Variants in TRDN observed in about 807,000 individuals in gnomAD.
TRDN encodes triadin in skeletal muscle.
In TRDN, 161 loss-of-function variants were observed where a neutral mutation model predicts 149.7. That is an observed-to-expected ratio of 1.08 (90% CI 0.95 to 1.23). The LOEUF (loss-of-function observed/expected upper bound fraction) is 1.23. Among genes scored for constraint, TRDN ranks in the 50% most tolerant of loss-of-function variants. The probability of loss-of-function intolerance (pLI) is 0.00; values close to 1 mark genes in which losing one functional copy is unlikely to be tolerated. For missense variants in TRDN, 896 were observed against 823.5 expected (o/e 1.09, Z -1.08); for synonymous variants, 294 against 250.5 (o/e 1.17, Z -1.64).
At chr6:123,530,770 T>C (rs1780206733) in intron 4 of TRDN, among the ~76,000 whole-genome samples, 1 of 151,930 alleles carries the variant, frequency 6.6e-6, no homozygotes, top group Non-Finnish European at 1.5e-5. Context: ...ATTGGAGTTA[T>C]CTCAAAATTA....
At chr6:123,439,288 C>G (rs1330566275) in intron 10 of TRDN, among the ~76,000 whole-genome samples, 1 of 152,066 alleles carries the variant, frequency 6.6e-6, no homozygotes, top group Non-Finnish European at 1.5e-5. Flanking sequence ...ATAGTTTGAA[C>G]TTTCTGAACC....
chr6:123,224,833 T>C (rs1266566304), intron 38 of TRDN, among the ~76,000 whole-genome samples: 1 of 151,716 alleles, frequency 6.6e-6, no homozygotes, highest in Non-Finnish European at 1.5e-5. Context: ...TTCTTAACAT[T>C]GGTATTGGCA....
intron 12 of TRDN, among the ~76,000 whole-genome samples, chr6:123,414,232 A>G (rs1229940822): frequency 6.6e-6 from 1 of 152,114 alleles, no homozygotes; most frequent in Non-Finnish European, 1.5e-5. Context: ...GGTTAACCTT[A>G]AGGTTACTAA....
At chr6:123,579,421 C>A (rs534249475) in intron 1 of TRDN, among the ~76,000 whole-genome samples, 2 of 152,174 alleles carry the variant, frequency 1.3e-5, no homozygotes, top group East Asian at 3.9e-4. Flanking sequence ...ATCTTTGGTT[C>A]CATTTATTTG....
chr6:123,505,159 A>G (rs760964973), intron 7 of TRDN, among the ~76,000 whole-genome samples: 20 of 147,630 alleles, frequency 1.4e-4, no homozygotes, highest in Admixed American at 7.0e-5. Context: ...CAGGAGAATC[A>G]TTTGAACCAG....
chr6:123,561,567 T>G (rs998418368), intron 2 of TRDN, among the ~76,000 whole-genome samples: 2 of 152,186 alleles, frequency 1.3e-5, no homozygotes, highest in Non-Finnish European at 2.9e-5. Context: ...CAAGTAATTA[T>G]GCTCAACCCC....
intron 38 of TRDN, among the ~76,000 whole-genome samples, chr6:123,251,155 C>T (rs1776356763): frequency 6.6e-6 from 1 of 152,062 alleles, no homozygotes; most frequent in Admixed American, 6.6e-5. Context: ...AATTTTGTGT[C>T]CTTACAATAT....
At chr6:123,253,153 G>C (rs1776434336) in intron 37 of TRDN, among the ~76,000 whole-genome samples, 1 of 151,856 alleles carries the variant, frequency 6.6e-6, no homozygotes, top group Admixed American at 6.6e-5. Context: ...TCTAATGAGA[G>C]GTTATTATTC....
At chr6:123,457,624 C>CA (rs1215622336) in intron 10 of TRDN, 5 of 434,800 alleles carry the variant, frequency 1.1e-5, no homozygotes, top group Admixed American at 2.6e-5. Flanking sequence ...AAAATTTACT[C>CA]AACAGTTATT....
At chr6:123,227,889 G>T (rs970402308) in intron 38 of TRDN, among the ~76,000 whole-genome samples, 2 of 151,896 alleles carry the variant, frequency 1.3e-5, no homozygotes, top group Admixed American at 6.6e-5. Flanking sequence ...GAGAGGTCCT[G>T]CCCAAGGTCA....
At chr6:123,230,307 T>A (rs1775551654) in intron 38 of TRDN, among the ~76,000 whole-genome samples, 1 of 151,814 alleles carries the variant, frequency 6.6e-6, no homozygotes, top group African/African-American at 2.4e-5. Context: ...AAACACCACA[T>A]GTTCTCACTC....
intron 23 of TRDN, among the ~76,000 whole-genome samples, chr6:123,322,975 A>G (rs1779305139): frequency 6.6e-6 from 1 of 152,040 alleles, no homozygotes; most frequent in African/African-American, 2.4e-5. Flanking sequence ...GAGATCTTTG[A>G]GGACAGGGAA....
At chr6:123,470,376 G>C (rs1203955017) in intron 9 of TRDN, 1 of 152,154 alleles carries the variant, frequency 6.6e-6, no homozygotes, top group Non-Finnish European at 1.5e-5. Context: ...TGTTGGCTGG[G>C]ATGTTGTGAG....
intron 24 of TRDN, among the ~76,000 whole-genome samples, chr6:123,290,878 T>C (rs1490999367): frequency 6.6e-6 from 1 of 152,164 alleles, no homozygotes; most frequent in Non-Finnish European, 1.5e-5. Context: ...ACTTTCTGGC[T>C]GGGTGCAGTG....
intron 1 of TRDN, among the ~76,000 whole-genome samples, chr6:123,571,922 G>C (rs1782602415): frequency 6.6e-6 from 1 of 151,902 alleles, no homozygotes; most frequent in South Asian, 2.1e-4. Context: ...TTCTACCTTG[G>C]GATAGGGCAG....
intron 2 of TRDN, among the ~76,000 whole-genome samples, chr6:123,555,433 T>C (rs962821158): frequency 6.6e-6 from 1 of 152,196 alleles, no homozygotes; most frequent in African/African-American, 2.4e-5. Flanking sequence ...ACACCTTTAT[T>C]CCTCTGTATT....
intron 24 of TRDN, among the ~76,000 whole-genome samples, chr6:123,281,119 A>G (rs1777570948): frequency 6.6e-6 from 1 of 152,032 alleles, no homozygotes; most frequent in Non-Finnish European, 1.5e-5. Flanking sequence ...TCTTTCTGAT[A>G]TTCAGGCGGA....
chr6:123,258,826 G>A (rs1444551758), intron 35 of TRDN, among the ~76,000 whole-genome samples: 1 of 152,056 alleles, frequency 6.6e-6, no homozygotes, highest in Admixed American at 6.6e-5. Context: ...ACTTGTTATT[G>A]GTCTAGTCAG....
intron 10 of TRDN, among the ~76,000 whole-genome samples, chr6:123,450,480 A>G (rs1396895441): frequency 6.6e-6 from 1 of 152,168 alleles, no homozygotes; most frequent in African/African-American, 2.4e-5. Context: ...ACCTTAAACC[A>G]ACAGCAGTAA....
Sources: allele counts gnomAD v4.1 joint callset (sites outside exome capture counted in the v4.1 genomes callset), GRCh38; gene constraint gnomAD v4.1.1; transcripts MANE v1.5; gene names NCBI Gene and HGNC (gene_info 2026-07-23, HGNC 2026-07-21).